The following JAG2 variants were observed in gnomAD, a reference collection of about 807,000 sequenced individuals.
JAG2 encodes protein jagged-2.
In JAG2, 46 loss-of-function variants were observed where a neutral mutation model predicts 141.7. The observed-to-expected ratio is 0.32, with a 90% CI of 0.26 to 0.42. The LOEUF (loss-of-function observed/expected upper bound fraction) is 0.42. JAG2 is among the 10% of genes least tolerant of loss of function. JAG2 has a pLI of 1.00. For missense variants in JAG2, 1,500 were observed against 1,817.5 expected (o/e 0.83, Z 3.18); for synonymous variants, 862 against 763.5 (o/e 1.13, Z -2.13).
intron 2 of JAG2, among the ~76,000 whole-genome samples, chr14:105,164,160 A>G (rs958943452): frequency 1.5e-5 from 2 of 137,620 alleles, no homozygotes; most frequent in Admixed American, 1.6e-4. Flanking sequence ...GCCCACCCTC[A>G]GGGACCAGCG....
intron 13 of JAG2, 40 bp from the exon 14 acceptor site, chr14:105,149,129 G>GCCCCCCCCCCCCCCCCCCCCCCCCCCCC: frequency 3.2e-6 from 5 of 1,551,912 alleles, no homozygotes; most frequent in East Asian, 2.3e-5. Context: ...GCCCGCCCCT[G>GCCCCCCCCCCCCCCCCCCCCCCCCCCCC]CCCCACCACC....
intron 7 of JAG2, 90 bp from the exon 8 acceptor site, chr14:105,151,829 G>A: frequency 6.2e-7 from 1 of 1,601,366 alleles, no homozygotes; most frequent in Non-Finnish European, 8.5e-7. Flanking sequence ...TTCCCAAGCT[G>A]GGGGTCAGGG....
rs776480255 is a variant in JAG2 at position 105,148,806 on chromosome 14, A to G, written c.1959T>C (p.Asp653=). 2 of 1,598,796 alleles carry G rather than the reference A, an allele frequency of 1.3e-6. No homozygotes were observed. Among genetic ancestry groups the G allele is most frequent in the Admixed American group, 1.7e-5 (1 of 58,386 alleles). ...AGAAGCAGCGGAAGGCGTCCACCTCATCGATGCATGTGCCCCCATTGCGGC... is the reference window on the plus strand; with the variant it reads ...AGAAGCAGCGGAAGGCGTCCACCTCGTCGATGCATGTGCCCCCATTGCGGC... The part of the protein sequence containing the change: ...QPCRNGGTCI[D]EVDAFRCFCP... The change falls in exon 15 of 26, where the codon GAT becomes GAC. Residue 653 remains aspartate (D), a synonymous_variant. Transcript: ENST00000331782.
In JAG2 at chr14:105,151,948, G is replaced by C; in HGVS notation, c.1029C>G (p.Asn343Lys). The part of the protein sequence containing the change: ...CTCPDGYSGR[N>K]CEKAEHACTS... ...CAGCCCCCCACGTACCCTTCTCACA[G>C]TTCCTGCCCGAGTAGCCGTCAGGGC... is the stretch of plus-strand genomic sequence containing the variant. The change falls in exon 7 of 26, where the codon AAC becomes AAG. Residue 343 changes from asparagine to lysine, a missense_variant. Around this residue, in one of 3 missense-constraint regions of JAG2, gnomAD observed 875 missense variants for 1,202.2 expected, o/e 0.73. Transcript: ENST00000331782. 1 of 1,613,136 alleles carries C rather than the reference G, an allele frequency of 6.2e-7. No homozygotes were observed. Among genetic ancestry groups the C allele is most frequent in the South Asian group, 1.1e-5 (1 of 91,090 alleles).
Position 105,155,893 on chromosome 14 carries a change from T to G in JAG2, c.572A>C (p.Glu191Ala), listed in dbSNP as rs746802504. ...GTCGCAGCGCACGCGGATCTGCAGCTCCAGGTGCGCCACGTGGCCGCTGAA... is the reference window on the plus strand; with the variant it reads ...GTCGCAGCGCACGCGGATCTGCAGCGCCAGGTGCGCCACGTGGCCGCTGAA... ...LHFSGHVAHL[E>A]LQIRVRCDEN... is the part of the protein sequence containing the mutation. The change falls in exon 4 of 26, where the codon GAG (glutamate) becomes GCG (alanine). Residue 191 changes from glutamate to alanine, a missense_variant. By Grantham distance (107) the Glu-to-Ala change is moderately radical. Around this residue, in one of 3 missense-constraint regions of JAG2, gnomAD observed 875 missense variants for 1,202.2 expected, o/e 0.73. Coordinates refer to ENST00000331782, the MANE Select transcript of JAG2 (RefSeq NM_002226.5). The G allele has an allele frequency of 6.2e-7, 1 of 1,612,210 alleles. No individual in the cohort carries two copies. Among genetic ancestry groups the G allele is most frequent in the South Asian group, 1.1e-5 (1 of 90,962 alleles).
chr14:105,161,526 C>T (rs1327929265), intron 2 of JAG2, among the ~76,000 whole-genome samples: 3 of 152,172 alleles, frequency 2.0e-5, no homozygotes, highest in Admixed American at 1.3e-4. Flanking sequence ...CGGTTACCTG[C>T]TCCCGCAGGG....
In JAG2 at chr14:105,151,275, G is replaced by T. The variant is rs1278319541; in HGVS notation, c.1267+8C>A. 1 of 1,609,946 alleles carries T rather than the reference G, an allele frequency of 6.2e-7. No individual in the cohort carries two copies. The highest frequency in any genetic ancestry group is 8.5e-7 in the Non-Finnish European group (1 of 1,178,040). ...CCACGTTCCCATGCACTCGCTCGGA[G>T]CCCTTACCCAGCTGGCAGGTGGCCC... On this transcript the variant is annotated splice_region_variant and intron_variant, in intron 9 of 25. Transcript: ENST00000331782.
intron 9 of JAG2, 78 bp from the exon 10 acceptor site, chr14:105,151,182 G>GC (rs1483753828): frequency 2.4e-6 from 3 of 1,252,318 alleles, no homozygotes; most frequent in Admixed American, 2.1e-5. Flanking sequence ...GGCACCCGCA[G>GC]CCCAGCAGCC....
In JAG2 at chr14:105,141,197, C is replaced by T. The variant is rs181226135; in HGVS notation, c.*1498G>A. 154 of 152,178 alleles carry T rather than the reference C, an allele frequency of 1.0e-3. 4 individuals are homozygous for T. The highest frequency in any genetic ancestry group is 3.3e-3 in the African/African-American group (138 of 41,514). The allele number at this position is 152,178 out of a possible 1,614,324, so 9.4% of individuals were successfully genotyped here. On this transcript the variant is annotated 3_prime_UTR_variant, in exon 26 of 26. Coordinates refer to ENST00000331782, the MANE Select transcript of JAG2 (RefSeq NM_002226.5). ...GGCGGCTCGGAGTCAGCCTTGGAGT[C>T]GGCCTTCCATGCCCAGCCCTGAGGC...
At position 105,154,823 on chromosome 14, in the gene JAG2, G is replaced by C. The variant is rs1303644629; in HGVS notation, c.788+739C>G. 6.6e-6 allele frequency among the ~76,000 whole-genome samples: 1 copy of C among 151,900 alleles called. No individual in the cohort carries two copies. Among genetic ancestry groups the C allele is most frequent in the Non-Finnish European group, 1.5e-5 (1 of 67,964 alleles). ...CCCCGGCCCCGCCTGCTCCTCTGTG[G>C]CATTCCTCCTGCCACCATGGCTCTG... On this transcript the variant is annotated intron_variant, in intron 5 of 25. Transcript: ENST00000331782. This position sits in a 1 kb window ranked among gnomAD's most constrained non-coding sequence, Gnocchi z 4.4.
At chr14:105,144,245 C>T (rs2140969786) in intron 24 of JAG2, among the ~76,000 whole-genome samples, 1 of 151,864 alleles carries the variant, frequency 6.6e-6, no homozygotes, top group East Asian at 1.9e-4. Flanking sequence ...CGGGGCTGTG[C>T]CCCTGCCTCC....
rs755712823 is a variant in JAG2, at chr14:105,145,931, C to T, written c.2752G>A (p.Glu918Lys). The T allele has an allele frequency of 6.3e-6, 10 of 1,579,456 alleles. No individual in the cohort carries two copies. In the African/African-American group the frequency reaches 9.4e-5, roughly 15 times the overall value. ...WKPCLLAGQPEALSAQCPLGQ... is the reference protein window; with the variant it reads ...WKPCLLAGQPKALSAQCPLGQ... ...AGTGGGCACTGGGCGCTCAGGGCCT[C>T]GGGCTGGCCGGCCAGCAGACAAGGC... Residue 918 changes from glutamate (E) to lysine (K), a missense_variant, in exon 23 of 26, where the codon GAG becomes AAG. Transcript: ENST00000331782.
chr14:105,145,756 T>C lies in JAG2; in HGVS notation c.2927A>G (p.His976Arg), dbSNP rs1474785813. ...CTGGGGCACGTGGTCACGGTTGAAA[T>C]GCAAGGTGAGGCGGGCACAGTTATT... is the stretch of plus-strand genomic sequence containing the variant. ...LDNNCARLTL[H>R]FNRDHVPQGT... is the part of the protein sequence containing the mutation. Residue 976 changes from histidine (H) to arginine (R), a missense_variant, in exon 23 of 26, where the codon CAT (histidine) becomes CGT (arginine). His to Arg is a conservative substitution (Grantham distance 29, BLOSUM62 0). Around this residue, in one of 3 missense-constraint regions of JAG2, gnomAD observed 425 missense variants for 441.0 expected, o/e 0.96. Coordinates refer to ENST00000331782, the MANE Select transcript of JAG2 (RefSeq NM_002226.5). The C allele has an allele frequency of 2.5e-6, 4 of 1,597,494 alleles. No individual in the cohort carries two copies. Among genetic ancestry groups the C allele is most frequent in the Non-Finnish European group, 3.4e-6 (4 of 1,172,682 alleles).
chr14:105,143,827 T>G (rs1373774867), intron 24 of JAG2, among the ~76,000 whole-genome samples, 189 bp from the exon 25 acceptor site: 1 of 133,314 alleles, frequency 7.5e-6, no homozygotes, highest in Non-Finnish European at 1.6e-5. Context: ...AGTGGAGGGG[T>G]GGAGGCTGTC....
At chr14:105,146,065 C>T in intron 22 of JAG2, 92 bp from the exon 23 acceptor site, 1 of 1,531,444 alleles carries the variant, frequency 6.5e-7, no homozygotes. Context: ...GGCACGGGCC[C>T]CATGCCAAGG....
Position 105,167,625 on chromosome 14 carries a change from G to C in JAG2, c.417+132C>G. On this transcript the variant is annotated intron_variant, in intron 2 of 25. Coordinates refer to ENST00000331782, the MANE Select transcript of JAG2 (RefSeq NM_002226.5). This position sits in a 1 kb window ranked among gnomAD's most constrained non-coding sequence, Gnocchi z 4.8. Reference sequence around the variant, plus strand: ...GTCCCCAGAGCACGCGCCCCCTGCCGGCCCCGCCCCGCCTGGGCGCGCGCG... The same window carrying C: ...GTCCCCAGAGCACGCGCCCCCTGCCCGCCCCGCCCCGCCTGGGCGCGCGCG... 9.3e-7 allele frequency: 1 copy of C among 1,078,800 alleles called. No homozygotes were observed. The highest frequency in any genetic ancestry group is 4.3e-5 in the South Asian group (1 of 23,222). 66.8% of individuals were successfully genotyped at this position (1,078,800 alleles called of 1,614,324 possible). A position where few individuals can be genotyped will look rare whatever the true frequency, so the allele number is the denominator to read the frequency against.
rs762325915 is a variant in JAG2 at position 105,155,866 on chromosome 14, T to C, written c.599A>G (p.Glu200Gly). ...LELQIRVRCDENYYSATCNKF... is the reference protein window; with the variant it reads ...LELQIRVRCDGNYYSATCNKF... ...GTTGCAAGTGGCGCTGTAGTAGTTC[T>C]CGTCGCAGCGCACGCGGATCTGCAG... Residue 200 changes from glutamate (E) to glycine (G), a missense_variant, in exon 4 of 26, where the codon GAG becomes GGG. Coordinates refer to ENST00000331782, the MANE Select transcript of JAG2 (RefSeq NM_002226.5). The C allele has an allele frequency of 6.2e-7, 1 of 1,612,412 alleles. No individual in the cohort carries two copies. The highest frequency in any genetic ancestry group is 8.5e-7 in the Non-Finnish European group (1 of 1,179,782).
At chr14:105,147,157 A>C in intron 20 of JAG2, 169 bp downstream of exon 20, 1 of 669,074 alleles carries the variant, frequency 1.5e-6, no homozygotes, top group East Asian at 2.7e-5. Flanking sequence ...GGTATACAGC[A>C]GGAACCCCAC....
chr14:105,162,245 G>A (rs958287156), intron 2 of JAG2, among the ~76,000 whole-genome samples: 5 of 152,024 alleles, frequency 3.3e-5, no homozygotes, highest in African/African-American at 1.2e-4. Flanking sequence ...CACCCCTGCA[G>A]GCCCAGCTAA....
Sources: allele counts gnomAD v4.1 joint callset (sites outside exome capture counted in the v4.1 genomes callset), GRCh38; gene constraint gnomAD v4.1.1; regional missense constraint gnomAD v4.1.1; non-coding constraint Gnocchi (gnomAD v3.1); transcripts MANE v1.5; gene names NCBI Gene and HGNC (gene_info 2026-07-23, HGNC 2026-07-21).